TTC27: variants seen among roughly 807,000 people sequenced by gnomAD.
The protein encoded by TTC27 is tetratricopeptide repeat protein 27.
In TTC27, 79 loss-of-function variants were observed where a neutral mutation model predicts 115.9. The ratio of observed to expected loss-of-function variants is 0.68; its 90% CI spans 0.57 to 0.82. The LOEUF (loss-of-function observed/expected upper bound fraction) is 0.82, where lower values mean the gene tolerates loss of function less well. Among genes scored for constraint, TTC27 ranks in the 40% least tolerant of loss-of-function variants. The pLI is 0.00. For missense variants in TTC27, 1,054 were observed against 993.1 expected, an observed-to-expected ratio of 1.06 and a Z score of -0.82; for synonymous variants, 401 against 356.0, an observed-to-expected ratio of 1.13 and a Z score of -1.42.
intron 16 of TTC27, among the ~76,000 whole-genome samples, chr2:32,798,966 C>G (rs1238404568): frequency 6.6e-6 from 1 of 152,070 alleles, no homozygotes; most frequent in Non-Finnish European, 1.5e-5. Context: ...ATTCACATAG[C>G]TAAAACCTGG....
intron 12 of TTC27, among the ~76,000 whole-genome samples, chr2:32,755,499 G>T (rs1460888468): frequency 6.6e-6 from 1 of 152,188 alleles, no homozygotes; most frequent in African/African-American, 2.4e-5. Flanking sequence ...AGGAGAATCA[G>T]GCAGGGAGGT....
intron 3 of TTC27, among the ~76,000 whole-genome samples, chr2:32,635,707 T>C (rs967768414): frequency 6.6e-6 from 1 of 151,652 alleles, no homozygotes; most frequent in Non-Finnish European, 1.5e-5. Flanking sequence ...AGAAAAAGAA[T>C]TGGGTGTAGC....
At chr2:32,652,064 T>G (rs1377142450) in intron 5 of TTC27, among the ~76,000 whole-genome samples, 1 of 152,038 alleles carries the variant, frequency 6.6e-6, no homozygotes, top group Non-Finnish European at 1.5e-5. Context: ...CTTGTATGCT[T>G]ATGTATCTTT....
At chr2:32,643,468 G>T (rs143264883) in intron 4 of TTC27, among the ~76,000 whole-genome samples, 220 of 151,988 alleles carry the variant, frequency 1.4e-3, no homozygotes, top group African/African-American at 5.2e-3. Flanking sequence ...ACCATGCCTT[G>T]CTAATTTTTT....
intron 12 of TTC27, among the ~76,000 whole-genome samples, chr2:32,755,501 C>A (rs1309530095): frequency 6.6e-6 from 1 of 152,130 alleles, no homozygotes; most frequent in Non-Finnish European, 1.5e-5. Context: ...GAGAATCAGG[C>A]AGGGAGGTTG....
chr2:32,664,968 G>C (rs980077713), intron 6 of TTC27, among the ~76,000 whole-genome samples: 28 of 151,994 alleles, frequency 1.8e-4, no homozygotes, highest in Admixed American at 2.6e-4. Flanking sequence ...TAGTAGCTAG[G>C]ATTACGGGTG....
rs1281800425 is a variant in TTC27 at position 32,733,857 on chromosome 2, T to G, written c.1263T>G (p.Thr421=). The G allele has an allele frequency of 3.1e-6, 5 of 1,611,510 alleles. No homozygotes were observed. In the East Asian group the frequency reaches 1.1e-4, roughly 36 times the overall value. Residue 421 remains threonine, a synonymous_variant, in exon 11 of 20, where the codon ACT becomes ACG. Coordinates refer to ENST00000317907, the MANE Select transcript of TTC27 (RefSeq NM_017735.5). Reference sequence around the variant, plus strand: ...TTGCAGACCAATTTGAAGATAAAACTACATCTGTATTGGAACGCCTGAAGA... The same window carrying G: ...TTGCAGACCAATTTGAAGATAAAACGACATCTGTATTGGAACGCCTGAAGA... ...QALADQFEDK[T]TSVLERLKIF...
intron 11 of TTC27, among the ~76,000 whole-genome samples, chr2:32,735,377 G>C (rs1056898512): frequency 6.6e-6 from 1 of 152,156 alleles, no homozygotes; most frequent in South Asian, 2.1e-4. Context: ...AAACATTTCA[G>C]ACTGAGCTGT....
intron 4 of TTC27, among the ~76,000 whole-genome samples, chr2:32,648,244 C>T (rs887132571): frequency 6.6e-6 from 1 of 152,114 alleles, no homozygotes; most frequent in African/African-American, 2.4e-5. Context: ...TCTCCTGCTT[C>T]AACCTCCCGA....
chr2:32,816,562 A>G (rs1279160731), intron 18 of TTC27, among the ~76,000 whole-genome samples: 2 of 152,218 alleles, frequency 1.3e-5, no homozygotes, highest in African/African-American at 4.8e-5. Flanking sequence ...TCTACCAGGA[A>G]GAACGATGCC....
intron 12 of TTC27, among the ~76,000 whole-genome samples, chr2:32,757,005 G>A (rs1217111903): frequency 6.6e-6 from 1 of 152,194 alleles, no homozygotes; most frequent in Non-Finnish European, 1.5e-5. Context: ...TCTGTGCAAT[G>A]TATTGAGGAT....
Position 32,633,416 on chromosome 2 carries a change from C to CTT in TTC27, c.267-451_267-450dup, listed in dbSNP as rs199558426. Among the ~76,000 whole-genome samples, 5 of 148,974 alleles carry CTT rather than the reference C, an allele frequency of 3.4e-5. No individual in the cohort carries two copies. The Admixed American group carries it at 3.4e-4, about 10-fold the overall frequency. On this transcript the variant is annotated intron_variant, in intron 2 of 19. Coordinates refer to ENST00000317907, the MANE Select transcript of TTC27 (RefSeq NM_017735.5). ...ATATTGGATATTGTAGACCTAATTT[C>CTT]TTTTTTTTTTAAGAGAGACAGGGTC...
At chr2:32,777,834 G>C in intron 13 of TTC27, 48 bp from the exon 14 acceptor site, 1 of 1,568,584 alleles carries the variant, frequency 6.4e-7, no homozygotes, top group Non-Finnish European at 8.8e-7. Context: ...ATTACATTCT[G>C]TAAATGTTTC....
intron 16 of TTC27, among the ~76,000 whole-genome samples, chr2:32,793,582 G>A (rs572157769): frequency 6.6e-6 from 1 of 152,260 alleles, no homozygotes; most frequent in Non-Finnish European, 1.5e-5. Context: ...GAATACAATG[G>A]TGCCATCTCG....
At chr2:32,675,306 A>T (rs566869106) in intron 8 of TTC27, among the ~76,000 whole-genome samples, 2 of 152,212 alleles carry the variant, frequency 1.3e-5, no homozygotes, top group Non-Finnish European at 2.9e-5. Flanking sequence ...CATAATTGTC[A>T]TCTCATCAGG....
chr2:32,758,232 T>TAA, intron 12 of TTC27, 60 bp from the exon 13 acceptor site: 74 of 1,196,818 alleles, frequency 6.2e-5, no homozygotes, highest in Non-Finnish European at 7.3e-5. Flanking sequence ...GTATATGTGC[T>TAA]AAAAAAAAAA....
intron 13 of TTC27, among the ~76,000 whole-genome samples, chr2:32,775,466 G>A (rs1474010833): frequency 2.0e-5 from 3 of 152,148 alleles, no homozygotes; most frequent in Admixed American, 2.0e-4. Flanking sequence ...CCAAAGTGCT[G>A]GGATTACAGG....
intron 4 of TTC27, 29 bp from the exon 5 acceptor site, chr2:32,650,102 A>G (rs1254308818): frequency 6.4e-7 from 1 of 1,562,904 alleles, no homozygotes; most frequent in African/African-American, 1.4e-5. Flanking sequence ...GTATCCTTTT[A>G]TTTCAGCTTA....
chr2:32,808,656 C>T (rs1167287042), intron 16 of TTC27, among the ~76,000 whole-genome samples: 1 of 152,170 alleles, frequency 6.6e-6, no homozygotes, highest in African/African-American at 2.4e-5. Flanking sequence ...TTTTTCCCTC[C>T]TTAATGCCAG....
Sources: allele counts gnomAD v4.1 joint callset (sites outside exome capture counted in the v4.1 genomes callset), GRCh38; gene constraint gnomAD v4.1.1; transcripts MANE v1.5; gene names NCBI Gene and HGNC (gene_info 2026-07-23, HGNC 2026-07-21).